Variants in TBC1D1 observed in about 807,000 individuals in gnomAD.
The protein encoded by TBC1D1 is TBC1 domain family member 1.
A neutral mutation model predicts 125.6 loss-of-function variants in TBC1D1; 89 were observed. That is an observed-to-expected ratio of 0.71 (90% confidence interval 0.60 to 0.85). The LOEUF (loss-of-function observed/expected upper bound fraction) is 0.85. Ranked by LOEUF, TBC1D1 falls within the 40% of genes least tolerant of loss-of-function variation. The pLI, the probability that TBC1D1 is intolerant of heterozygous loss-of-function variation, is 0.00. For missense variants in TBC1D1, 1,377 were observed against 1,469.2 expected (o/e 0.94, Z 1.03); for synonymous variants, 565 against 564.1 (o/e 1.00, Z -0.02).
chr4:38,051,896 T>C lies in TBC1D1; in HGVS notation c.1910+1998T>C, dbSNP rs889698747. Reference sequence around the variant, plus strand: ...CCCCGTGCTTTCTCTGATTGCTGTTTAGTGTGGATCCTTCACCTGTGGGTG... The same window carrying C: ...CCCCGTGCTTTCTCTGATTGCTGTTCAGTGTGGATCCTTCACCTGTGGGTG... On this transcript the variant is annotated intron_variant, in intron 11 of 19. Transcript: ENST00000261439. The C allele has an allele frequency of 5.2e-6, 8 of 1,548,298 alleles. No individual in the cohort carries two copies. The African/African-American group carries it at 9.6e-5, about 19-fold the overall frequency.
At chr4:38,092,483 C>A (rs1451186720) in intron 13 of TBC1D1, among the ~76,000 whole-genome samples, 1 of 152,044 alleles carries the variant, frequency 6.6e-6, no homozygotes, top group Non-Finnish European at 1.5e-5. Context: ...GTAATCCCAG[C>A]ACTTTGGGAG....
In TBC1D1 at chr4:38,033,391, A is replaced by G. The variant is rs534622083; in HGVS notation, c.1303-2197A>G. ...GGATCATTTTTTTTTTAATAGACTT[A>G]ATTTTTTTTAGAGCAGTTTTAGGTT... is the stretch of plus-strand genomic sequence containing the variant. On this transcript the variant is annotated intron_variant, in intron 7 of 19. Transcript: ENST00000261439. 1.1e-4 allele frequency among the ~76,000 whole-genome samples: 17 copies of G among 152,016 alleles called. No homozygotes were observed. In the South Asian group the frequency reaches 1.9e-3, roughly 17 times the overall value.
chr4:38,021,915 T>C (rs905547715), intron 6 of TBC1D1, among the ~76,000 whole-genome samples, 197 bp downstream of exon 6: 1 of 152,180 alleles, frequency 6.6e-6, no homozygotes, highest in Non-Finnish European at 1.5e-5. Flanking sequence ...GATACAAAGA[T>C]AAGAACCCAG....
intron 1 of TBC1D1, among the ~76,000 whole-genome samples, chr4:37,894,217 G>A (rs940678802): frequency 7.9e-5 from 12 of 152,022 alleles, no homozygotes; most frequent in South Asian, 4.1e-4. Context: ...TTGAACTCCC[G>A]ACCTTGTGAT....
At chr4:38,118,461 C>A in intron 17 of TBC1D1, 1 of 356,244 alleles carries the variant, frequency 2.8e-6, no homozygotes, top group East Asian at 5.0e-5. Context: ...ATGAGGGTCT[C>A]CCTAGAGCAG....
intron 12 of TBC1D1, among the ~76,000 whole-genome samples, chr4:38,084,938 T>A (rs1322940026): frequency 2.6e-5 from 4 of 152,316 alleles, no homozygotes; most frequent in Non-Finnish European, 5.9e-5. Context: ...GTTCAGAACT[T>A]AATGTCAGTG....
chr4:37,899,467 C>A (rs3860063), intron 1 of TBC1D1, among the ~76,000 whole-genome samples: 29,348 of 152,076 alleles, frequency 0.19, 3,340 homozygotes, highest in Middle Eastern at 0.28. Flanking sequence ...TCTTGTGCAG[C>A]AGTCAAGGGG....
At chr4:38,125,173 A>C in intron 18 of TBC1D1, 42 bp downstream of exon 20, 2 of 1,584,990 alleles carry the variant, frequency 1.3e-6, no homozygotes, top group Non-Finnish European at 1.7e-6. Flanking sequence ...AAGCCATCCT[A>C]GATATGTAGA....
At chr4:38,126,575 T>G (rs893561824) in intron 18 of TBC1D1, among the ~76,000 whole-genome samples, 1 of 152,246 alleles carries the variant, frequency 6.6e-6, no homozygotes, top group African/African-American at 2.4e-5. Flanking sequence ...TATGCCCTTA[T>G]GAAAGAACAG....
chr4:38,052,962 T>C (rs1037742187), intron 11 of TBC1D1, 144 bp from the exon 13 acceptor site: 1 of 490,018 alleles, frequency 2.0e-6, no homozygotes, highest in Middle Eastern at 5.8e-4. Context: ...TTAAATCTCA[T>C]TCGTGAACTA....
intron 12 of TBC1D1, among the ~76,000 whole-genome samples, chr4:38,081,152 C>G (rs1298351891): frequency 6.6e-6 from 1 of 152,126 alleles, no homozygotes; most frequent in African/African-American, 2.4e-5. Flanking sequence ...TGACTTCTCT[C>G]CTTTCTGCCC....
At chr4:38,096,136 T>C (rs771074950) in intron 14 of TBC1D1, 46 bp downstream of exon 16, 45 of 1,527,290 alleles carry the variant, frequency 2.9e-5, no homozygotes, top group Middle Eastern at 3.5e-4. Flanking sequence ...CCCTCATTGG[T>C]GATTGGGGAG....
intron 2 of TBC1D1, among the ~76,000 whole-genome samples, chr4:37,983,211 G>A (rs1248083858): frequency 6.7e-6 from 1 of 149,630 alleles, no homozygotes; most frequent in African/African-American, 2.5e-5. Flanking sequence ...CACCTCCCAG[G>A]TTCAAGTGAT....
intron 2 of TBC1D1, among the ~76,000 whole-genome samples, chr4:37,959,042 C>G (rs1431113242): frequency 6.6e-6 from 1 of 152,190 alleles, no homozygotes; most frequent in Non-Finnish European, 1.5e-5. Context: ...ATGGCTCTGT[C>G]ACTTTCTAGC....
chr4:37,925,147 G>A (rs1239957571), intron 2 of TBC1D1, among the ~76,000 whole-genome samples: 1 of 152,190 alleles, frequency 6.6e-6, no homozygotes, highest in Non-Finnish European at 1.5e-5. Context: ...GCTCCATGCC[G>A]AGGCACACAG....
At chr4:38,089,083 T>C (rs528406248) in intron 12 of TBC1D1, among the ~76,000 whole-genome samples, 1 of 152,350 alleles carries the variant, frequency 6.6e-6, no homozygotes, top group South Asian at 2.1e-4. Flanking sequence ...AATTTAGATA[T>C]AGGAAACATT....
chr4:38,103,786 A>AT (rs1161535377), intron 15 of TBC1D1, among the ~76,000 whole-genome samples: 1 of 152,182 alleles, frequency 6.6e-6, no homozygotes, highest in Non-Finnish European at 1.5e-5. Flanking sequence ...AATAATATAG[A>AT]TTTTAAAATA....
intron 2 of TBC1D1, among the ~76,000 whole-genome samples, chr4:37,991,635 T>C (rs1205106639): frequency 2.0e-5 from 3 of 149,860 alleles, no homozygotes; most frequent in Non-Finnish European, 3.0e-5. Context: ...TTCTCTCTCT[T>C]TTTTTTTTTT....
intron 2 of TBC1D1, among the ~76,000 whole-genome samples, chr4:37,961,472 T>G (rs1419227148): frequency 6.6e-6 from 1 of 152,226 alleles, no homozygotes; most frequent in Non-Finnish European, 1.5e-5. Flanking sequence ...AATGTCTATA[T>G]GGCTAAATAA....
Sources: gnomAD v4.1 joint callset for allele counts (sites outside exome capture counted in the v4.1 genomes callset) on GRCh38, gnomAD v4.1.1 for gene constraint, MANE v1.5 for transcripts, NCBI Gene and HGNC (gene_info 2026-07-23, HGNC 2026-07-21) for gene names.